Variants in PLEKHG4B observed in about 807,000 individuals in gnomAD.
PLEKHG4B encodes the protein pleckstrin homology domain-containing family G member 4B.
Under a neutral mutation model 121.3 loss-of-function variants are expected in PLEKHG4B, and 111 were observed. That is an observed-to-expected ratio of 0.92 (90% CI 0.78 to 1.07). The LOEUF (loss-of-function observed/expected upper bound fraction) is 1.07, where lower values mean the gene tolerates loss of function less well. Among genes scored for constraint, PLEKHG4B ranks in the 50% least tolerant of loss-of-function variants. The pLI is 0.00. For synonymous variants in PLEKHG4B, 738 were observed against 725.0 expected (o/e 1.02, Z -0.29); for missense variants, 1,831 against 1,757.8 (o/e 1.04, Z -0.74).
Position 137,778 on chromosome 5 carries a change from G to A in PLEKHG4B, c.244-1705G>A, listed in dbSNP as rs1579274205. Among the ~76,000 whole-genome samples the A allele has an allele frequency of 6.6e-6, 1 of 152,224 alleles. No homozygotes were observed. The highest frequency in any genetic ancestry group is 2.4e-5 in the African/African-American group (1 of 41,456). On this transcript the variant is annotated intron_variant, in intron 2 of 19. Coordinates refer to ENST00000637938, the MANE Select transcript of PLEKHG4B (RefSeq NM_052909.5). This position sits in a 1 kb window ranked among gnomAD's most constrained non-coding sequence, Gnocchi z 4.2. Reference sequence around the variant, plus strand: ...ACATGCCCTGGGCACCAATATGGCTGTGCTGGGCAATAGGATCGGGGACGG... The same window carrying A: ...ACATGCCCTGGGCACCAATATGGCTATGCTGGGCAATAGGATCGGGGACGG...
At position 140,411 on chromosome 5, in the gene PLEKHG4B, G is replaced by A. The variant is rs760683098; in HGVS notation, c.1172G>A (p.Gly391Glu). The A allele has an allele frequency of 6.4e-7, 1 of 1,556,646 alleles. No homozygotes were observed. The highest frequency in any genetic ancestry group is 1.2e-5 in the South Asian group (1 of 84,212). ...GGAGCCAGCAGGGACCTGGGGACTG[G>A]GGCAGTAGCCAGTGGGACCCAGGAG... is the stretch of plus-strand genomic sequence containing the variant. ...LTGASRDLGT[G>E]AVASGTQEET... The change falls in exon 3 of 20, where the codon GGG (glycine) becomes GAG (glutamate). Residue 391 changes from glycine (G) to glutamate (E), a missense_variant. Physicochemically the swap from Gly to Glu is moderately conservative, Grantham distance 98 (BLOSUM62 -2). Transcript: ENST00000637938.
rs144038792 is a variant in PLEKHG4B at position 180,416 on chromosome 5, C to G, written c.4403-1098C>G. ...TGAATTCCAGATTTTATCTCCCCACCCTGTGCGTTTTCAGAAGCTCTCAGC... is the reference window on the plus strand; with the variant it reads ...TGAATTCCAGATTTTATCTCCCCACGCTGTGCGTTTTCAGAAGCTCTCAGC... On this transcript the variant is annotated intron_variant, in intron 18 of 19. Transcript: ENST00000637938. Among the ~76,000 whole-genome samples, 33 of 152,262 alleles carry G rather than the reference C, an allele frequency of 2.2e-4. No individual in the cohort carries two copies. The East Asian group carries it at 6.2e-3, about 29-fold the overall frequency.
At position 156,781 on chromosome 5, in the gene PLEKHG4B, TG is replaced by T; in HGVS notation, c.2359del (p.Glu787ArgfsTer71). ...ELGTEDSRDT[L>X]EAATSLYDRV... is the part of the protein sequence containing the mutation. ...TGCCTTCTCTTCCTCAGGGACACCC[TG>T]GAGGCCGCCACAAGCCTGTACGACC... On this transcript the variant is annotated frameshift_variant, in exon 11 of 20. Coordinates refer to ENST00000637938, the MANE Select transcript of PLEKHG4B (RefSeq NM_052909.5). LOFTEE classifies it high-confidence loss of function. The surrounding 1 kb of genome is among the most constrained non-coding windows in gnomAD (Gnocchi z 4.4). 6.4e-7 allele frequency: 1 copy of T among 1,554,832 alleles called. No homozygotes were observed. The highest frequency in any genetic ancestry group is 1.2e-5 in the South Asian group (1 of 84,362).
chr5:134,292 G>C lies in PLEKHG4B; in HGVS notation c.244-5191G>C, dbSNP rs374700247. Among the ~76,000 whole-genome samples, 449 of 151,620 alleles carry C rather than the reference G, an allele frequency of 3.0e-3. 2 individuals are homozygous for C. Among genetic ancestry groups the C allele is most frequent in the South Asian group, 0.016 (78 of 4,770 alleles). On this transcript the variant is annotated intron_variant, in intron 2 of 19. Coordinates refer to ENST00000637938, the MANE Select transcript of PLEKHG4B (RefSeq NM_052909.5). ...AAGCTATGAGAATGCAAAGGCATAA[G>C]AATAATACAATAGACTTTGGGGATT...
At chr5:92,724 G>A (rs1288022092) in intron 1 of PLEKHG4B, among the ~76,000 whole-genome samples, 1 of 151,940 alleles carries the variant, frequency 6.6e-6, no homozygotes, top group Non-Finnish European at 1.5e-5. Context: ...TGCCTGAAGG[G>A]GAGCCAGGGG....
Position 171,438 on chromosome 5 carries a change from CTG to C in PLEKHG4B, c.4047_4048del (p.Cys1349Ter), listed in dbSNP as rs772626930. On this transcript the variant is annotated frameshift_variant, in exon 16 of 20. Coordinates refer to ENST00000637938, the MANE Select transcript of PLEKHG4B (RefSeq NM_052909.5). LOFTEE classifies it high-confidence loss of function. ...DLLAMDAIRG[C>X]DVNLKEQGQL... ...TGCTGGCCATGGACGCCATCCGCGG[CTG>C]TGACGTAAGTGCCTCAGACGCTGGC... 5 of 1,592,968 alleles carry C rather than the reference CTG, an allele frequency of 3.1e-6. No individual in the cohort carries two copies. The highest frequency in any genetic ancestry group is 1.7e-4 in the Middle Eastern group (1 of 5,928).
At chr5:158,693 C>T (rs1735886445) in intron 11 of PLEKHG4B, among the ~76,000 whole-genome samples, 1 of 149,778 alleles carries the variant, frequency 6.7e-6, no homozygotes, top group African/African-American at 2.5e-5. Context: ...CCTCCCTCTG[C>T]CTGTCCTGGG....
chr5:142,560 A>G (rs1258248214), intron 3 of PLEKHG4B, among the ~76,000 whole-genome samples: 1 of 151,324 alleles, frequency 6.6e-6, no homozygotes, highest in Non-Finnish European at 1.5e-5. Context: ...TACCACACAC[A>G]CAGTCACACA....
At chr5:126,535 A>AT (rs996106729) in intron 2 of PLEKHG4B, among the ~76,000 whole-genome samples, 2 of 151,900 alleles carry the variant, frequency 1.3e-5, no homozygotes, top group African/African-American at 4.8e-5. Flanking sequence ...GTTTCTAATT[A>AT]TTTTTTCCAT....
At chr5:95,587 C>T (rs1038211557) in intron 1 of PLEKHG4B, among the ~76,000 whole-genome samples, 2 of 152,212 alleles carry the variant, frequency 1.3e-5, no homozygotes, top group Non-Finnish European at 2.9e-5. Context: ...CCCAGATTCC[C>T]TCCCTTCCCA....
At chr5:169,655 CG>C in intron 14 of PLEKHG4B, 63 bp downstream of exon 14, 1 of 1,588,742 alleles carries the variant, frequency 6.3e-7, no homozygotes, top group Non-Finnish European at 8.5e-7. Flanking sequence ...GTCAGAGAGG[CG>C]GGGCCTACAG....
In PLEKHG4B at chr5:183,733, T is replaced by A. The variant is rs1236324210; in HGVS notation, c.*1410T>A. ...GCCTGGGCGACAGAGCAAGACTCTGTCTCACAAAAAAGGTTAAGAAATGAC... is the reference window on the plus strand; with the variant it reads ...GCCTGGGCGACAGAGCAAGACTCTGACTCACAAAAAAGGTTAAGAAATGAC... On this transcript the variant is annotated 3_prime_UTR_variant, in exon 20 of 20. Coordinates refer to ENST00000637938, the MANE Select transcript of PLEKHG4B (RefSeq NM_052909.5). The A allele has an allele frequency of 6.6e-6, 1 of 152,058 alleles. No individual in the cohort carries two copies. Among genetic ancestry groups the A allele is most frequent in the Admixed American group, 6.5e-5 (1 of 15,270 alleles). 9.4% of individuals were successfully genotyped at this position (152,058 alleles called of 1,614,324 possible). A position where few individuals can be genotyped will look rare whatever the true frequency, so the allele number is the denominator to read the frequency against.
At chr5:170,107 T>C (rs2126453174) in intron 14 of PLEKHG4B, among the ~76,000 whole-genome samples, 1 of 152,336 alleles carries the variant, frequency 6.6e-6, no homozygotes, top group East Asian at 1.9e-4. Context: ...TTCTCAGTGA[T>C]GAATGTGGAA....
rs752543885 is a variant in PLEKHG4B at position 140,259 on chromosome 5, G to C, written c.1020G>C (p.Pro340=). ...LGIPSSRRRP[P]GDPTCVQPRR... Reference sequence around the variant, plus strand: ...TCCCGAGCAGCAGGAGGCGGCCGCCGGGGGACCCCACTTGTGTGCAGCCTA... The same window carrying C: ...TCCCGAGCAGCAGGAGGCGGCCGCCCGGGGACCCCACTTGTGTGCAGCCTA... Residue 340 remains proline, a synonymous_variant, in exon 3 of 20, where the codon CCG becomes CCC. Transcript: ENST00000637938. 79 of 1,453,372 alleles carry C rather than the reference G, an allele frequency of 5.4e-5. No individual in the cohort carries two copies. Among genetic ancestry groups the C allele is most frequent in the Non-Finnish European group, 6.6e-5 (73 of 1,101,328 alleles). 90.0% of individuals were successfully genotyped at this position (1,453,372 alleles called of 1,614,324 possible).
At chr5:178,428 C>A (rs1736829927) in intron 18 of PLEKHG4B, among the ~76,000 whole-genome samples, 1 of 152,118 alleles carries the variant, frequency 6.6e-6, no homozygotes, top group African/African-American at 2.4e-5. Context: ...TCCATGTGCA[C>A]GTGAAGAGAA....
chr5:108,793 G>T (rs967926897), intron 1 of PLEKHG4B, among the ~76,000 whole-genome samples: 2 of 151,832 alleles, frequency 1.3e-5, no homozygotes, highest in Admixed American at 1.3e-4. Flanking sequence ...GATGGCTGGT[G>T]TAGACAGACC....
At chr5:158,623 G>A (rs1442255847) in intron 11 of PLEKHG4B, among the ~76,000 whole-genome samples, 2 of 138,220 alleles carry the variant, frequency 1.4e-5, no homozygotes, top group African/African-American at 5.6e-5. Flanking sequence ...CCTTGGGGGG[G>A]TCTCCCCCAT....
At chr5:106,551 C>T (rs558979094) in intron 1 of PLEKHG4B, among the ~76,000 whole-genome samples, 6 of 152,328 alleles carry the variant, frequency 3.9e-5, no homozygotes, top group African/African-American at 1.4e-4. Flanking sequence ...ACATGTAGAA[C>T]TGCACTTTGT....
rs536010984 is a variant in PLEKHG4B at position 137,822 on chromosome 5, G to A, written c.244-1661G>A. Among the ~76,000 whole-genome samples, 6 of 152,330 alleles carry A rather than the reference G, an allele frequency of 3.9e-5. No homozygotes were observed. The highest frequency in any genetic ancestry group is 2.1e-4 in the South Asian group (1 of 4,830). On this transcript the variant is annotated intron_variant, in intron 2 of 19. Transcript: ENST00000637938. The surrounding 1 kb of genome is among the most constrained non-coding windows in gnomAD (Gnocchi z 4.2). ...GGGACGGACTCTGGGGGCCAGGCTCGGGGAGGCCCTTATGGACCGGCAGGT... is the reference window on the plus strand; with the variant it reads ...GGGACGGACTCTGGGGGCCAGGCTCAGGGAGGCCCTTATGGACCGGCAGGT...
Sources: gnomAD v4.1 joint callset for allele counts (sites outside exome capture counted in the v4.1 genomes callset) on GRCh38, gnomAD v4.1.1 for gene constraint, Gnocchi (gnomAD v3.1) non-coding constraint, MANE v1.5 for transcripts, NCBI Gene and HGNC (gene_info 2026-07-23, HGNC 2026-07-21) for gene names.